Variants in TMEM232 observed in about 807,000 individuals in gnomAD.
The protein encoded by TMEM232 is transmembrane protein 232.
A neutral mutation model predicts 78.8 loss-of-function variants in TMEM232; 80 were observed. The observed-to-expected ratio is 1.01, with a 90% confidence interval of 0.85 to 1.22. The LOEUF (loss-of-function observed/expected upper bound fraction) is 1.22, where lower values mean the gene tolerates loss of function less well. Among genes scored for constraint, TMEM232 ranks in the 50% most tolerant of loss-of-function variants. The pLI is 0.00. For missense variants in TMEM232, 881 were observed against 742.2 expected, an observed-to-expected ratio of 1.19 and a Z score of -2.17; for synonymous variants, 297 against 254.3, an observed-to-expected ratio of 1.17 and a Z score of -1.60.
rs1047850396 is a variant in TMEM232 at position 110,675,338 on chromosome 5, C to T, written c.-12-7974G>A. Among the ~76,000 whole-genome samples, 4 of 152,122 alleles carry T rather than the reference C, an allele frequency of 2.6e-5. No individual in the cohort carries two copies. The East Asian group carries it at 7.7e-4, about 29-fold the overall frequency. On this transcript the variant is annotated intron_variant, in intron 1 of 13. Coordinates refer to ENST00000455884, the MANE Select transcript of TMEM232 (RefSeq NM_001039763.4). ...GGGATTACAGGCATGAGCCACCGTG[C>T]CTGGCCTTAAAAATTCTTACAAGTA...
chr5:110,669,811 G>A (rs1198140085), intron 1 of TMEM232, among the ~76,000 whole-genome samples: 1 of 152,214 alleles, frequency 6.6e-6, no homozygotes, highest in East Asian at 1.9e-4. Flanking sequence ...TCACTGGGAT[G>A]CAAGGCTGGT....
At chr5:110,738,112 T>A, upstream of TMEM232, 1 of 729,172 alleles carries the variant, frequency 1.4e-6, no homozygotes, top group Non-Finnish European at 1.9e-6. Context: ...GAACTGCACG[T>A]CAGAGTTCTC....
upstream of TMEM232, among the ~76,000 whole-genome samples, chr5:110,731,614 G>C (rs1481323796): frequency 1.3e-5 from 2 of 150,256 alleles, no homozygotes; most frequent in South Asian, 4.2e-4. Context: ...TGAAGCCACA[G>C]CCCAAGCTCT....
At chr5:110,571,705 T>A (rs533874118) in intron 10 of TMEM232, among the ~76,000 whole-genome samples, 86 of 150,600 alleles carry the variant, frequency 5.7e-4, no homozygotes, top group Middle Eastern at 3.4e-3. Context: ...GTTTTTTTTT[T>A]AAATTAGCTG....
At chr5:110,674,735 GC>G (rs1791806133) in intron 1 of TMEM232, among the ~76,000 whole-genome samples, 1 of 152,160 alleles carries the variant, frequency 6.6e-6, no homozygotes, top group South Asian at 2.1e-4. Flanking sequence ...ATGAATCTTT[GC>G]CATGTATTCA....
At chr5:110,631,279 G>A (rs1484546391) in intron 5 of TMEM232, among the ~76,000 whole-genome samples, 2 of 152,152 alleles carry the variant, frequency 1.3e-5, no homozygotes, top group Non-Finnish European at 2.9e-5. Flanking sequence ...TCCAGAGCCT[G>A]AGAGCTTCCT....
chr5:110,581,348 C>T (rs898902866), intron 10 of TMEM232, among the ~76,000 whole-genome samples: 5 of 151,422 alleles, frequency 3.3e-5, no homozygotes, highest in East Asian at 1.9e-4. Flanking sequence ...TATAGAGAAC[C>T]GAGAAATGAA....
chr5:110,421,557 C>T (rs1311516162), intron 13 of TMEM232, among the ~76,000 whole-genome samples: 2 of 151,446 alleles, frequency 1.3e-5, no homozygotes, highest in Admixed American at 6.6e-5. Context: ...CAATATTGGA[C>T]ATTCCTAAAG....
At chr5:110,677,517 T>C (rs778460813) in intron 1 of TMEM232, among the ~76,000 whole-genome samples, 2 of 152,226 alleles carry the variant, frequency 1.3e-5, no homozygotes, top group Non-Finnish European at 2.9e-5. Flanking sequence ...GCAATTATCA[T>C]TGAAGTGGGT....
intron 1 of TMEM232, among the ~76,000 whole-genome samples, chr5:110,687,688 CTT>C (rs1404718421): frequency 2.6e-5 from 4 of 152,158 alleles, no homozygotes; most frequent in South Asian, 4.1e-4. Context: ...TTCTCTTTCT[CTT>C]TGTCTCTCTC....
intron 12 of TMEM232, among the ~76,000 whole-genome samples, chr5:110,518,483 A>C (rs1769020610): frequency 6.6e-6 from 1 of 152,170 alleles, no homozygotes; most frequent in South Asian, 2.1e-4. Context: ...ATTGTGTTAC[A>C]ATTTAACAAA....
At chr5:110,694,641 C>T (rs1020925619) in intron 1 of TMEM232, among the ~76,000 whole-genome samples, 3 of 151,918 alleles carry the variant, frequency 2.0e-5, no homozygotes, top group African/African-American at 7.2e-5. Context: ...CAAAAAAAGG[C>T]AGGGGTTGCA....
chr5:110,595,242 A>G (rs2149787953), intron 10 of TMEM232, among the ~76,000 whole-genome samples: 1 of 152,322 alleles, frequency 6.6e-6, no homozygotes, highest in Admixed American at 6.5e-5. Flanking sequence ...AACTAAAAGG[A>G]CACCCACTCA....
intron 12 of TMEM232, among the ~76,000 whole-genome samples, chr5:110,474,175 T>C (rs1413976853): frequency 1.3e-5 from 2 of 151,934 alleles, no homozygotes; most frequent in East Asian, 1.9e-4. Context: ...ATGTTTGAGA[T>C]AAATGATTTG....
At chr5:110,567,627 C>G (rs1776488930) in intron 11 of TMEM232, among the ~76,000 whole-genome samples, 2 of 152,008 alleles carry the variant, frequency 1.3e-5, no homozygotes, top group South Asian at 4.1e-4. Context: ...AGTAGTCAAG[C>G]AGGCTGAGAG....
chr5:110,531,490 T>C (rs1229292855), intron 11 of TMEM232, among the ~76,000 whole-genome samples: 2 of 152,176 alleles, frequency 1.3e-5, no homozygotes, highest in African/African-American at 2.4e-5. Context: ...TGGCCTCTTT[T>C]TACTCTCTTC....
rs553006479 is a variant in TMEM232, at chr5:110,680,389, T to G, written c.-12-13025A>C. ...TCCAGCCTAGGCAACAGAGTGAGACTCTATCTCAAAAAAAAAAAAAAAAAA... is the reference window on the plus strand; with the variant it reads ...TCCAGCCTAGGCAACAGAGTGAGACGCTATCTCAAAAAAAAAAAAAAAAAA... On this transcript the variant is annotated intron_variant, in intron 1 of 13. Coordinates refer to ENST00000455884, the MANE Select transcript of TMEM232 (RefSeq NM_001039763.4). 1.1e-3 allele frequency among the ~76,000 whole-genome samples: 131 copies of G among 116,526 alleles called. 1 individual carries two copies. Among genetic ancestry groups the G allele is most frequent in the African/African-American group, 4.1e-3 (119 of 29,232 alleles). 76.4% of individuals were successfully genotyped at this position (116,526 alleles called of 152,430 possible).
chr5:110,667,152 A>AC, intron 2 of TMEM232, 76 bp downstream of exon 2: 1 of 1,169,156 alleles, frequency 8.6e-7, no homozygotes, highest in Non-Finnish European at 1.2e-6. Flanking sequence ...CTATGGGTGA[A>AC]TTTTTTTTTT....
At chr5:110,518,935 A>G (rs1359204502) in intron 12 of TMEM232, among the ~76,000 whole-genome samples, 1 of 151,846 alleles carries the variant, frequency 6.6e-6, no homozygotes, top group Non-Finnish European at 1.5e-5. Flanking sequence ...AAGCTGGTGC[A>G]TTGAAAAAAA....
Sources: gnomAD v4.1 joint callset for allele counts (sites outside exome capture counted in the v4.1 genomes callset) on GRCh38, gnomAD v4.1.1 for gene constraint, MANE v1.5 for transcripts, NCBI Gene and HGNC (gene_info 2026-07-23, HGNC 2026-07-21) for gene names.